The following PPP1R12A variants were observed in gnomAD, a reference collection of about 807,000 sequenced individuals.
PPP1R12A encodes the protein protein phosphatase 1 regulatory subunit 12A.
PPP1R12A carries 19 observed loss-of-function variants against 139.6 expected under a neutral mutation model. The observed-to-expected ratio is 0.14, with a 90% CI of 0.09 to 0.20. The LOEUF is 0.20. Ranked by LOEUF, PPP1R12A falls within the 10% of genes least tolerant of loss-of-function variation. The pLI, the probability that PPP1R12A is intolerant of heterozygous loss-of-function variation, is 1.00. For missense variants in PPP1R12A, 925 were observed against 1,211.5 expected (o/e 0.76, Z 3.51); for synonymous variants, 427 against 420.6 (o/e 1.02, Z -0.19).
At chr12:79,895,127 C>T (rs1302082498) in intron 1 of PPP1R12A, among the ~76,000 whole-genome samples, 1 of 151,808 alleles carries the variant, frequency 6.6e-6, no homozygotes, top group Non-Finnish European at 1.5e-5. Flanking sequence ...ATAAAGTTTC[C>T]AATATGGGGG....
chr12:79,915,823 T>C (rs144572441), intron 1 of PPP1R12A, among the ~76,000 whole-genome samples: 323 of 152,244 alleles, frequency 2.1e-3, no homozygotes, highest in African/African-American at 6.3e-3. Flanking sequence ...CAGGCTGACA[T>C]GTATACAGTA....
chr12:79,926,489 C>T (rs1887851132), intron 1 of PPP1R12A, among the ~76,000 whole-genome samples: 1 of 152,204 alleles, frequency 6.6e-6, no homozygotes, highest in Non-Finnish European at 1.5e-5. Context: ...CCATACCCAG[C>T]CACCTAATAA....
chr12:79,865,497 C>T (rs1020994957), intron 2 of PPP1R12A, among the ~76,000 whole-genome samples: 4 of 151,958 alleles, frequency 2.6e-5, no homozygotes, highest in Non-Finnish European at 2.9e-5. Flanking sequence ...AGCAATAAAA[C>T]GTATTCAAAT....
At chr12:79,804,563 A>G (rs1446764512) in intron 14 of PPP1R12A, among the ~76,000 whole-genome samples, 19 of 152,266 alleles carry the variant, frequency 1.2e-4, no homozygotes, top group Non-Finnish European at 2.5e-4. Context: ...CAGGCACTTC[A>G]GTAGGCAACA....
chr12:79,879,457 T>C (rs138066769), intron 1 of PPP1R12A, among the ~76,000 whole-genome samples: 42 of 152,280 alleles, frequency 2.8e-4, no homozygotes, highest in Non-Finnish European at 4.4e-4. Context: ...ACTAAAGTTA[T>C]GTGGAATGCA....
At chr12:79,926,794 C>A (rs978322788) in intron 1 of PPP1R12A, among the ~76,000 whole-genome samples, 1 of 151,802 alleles carries the variant, frequency 6.6e-6, no homozygotes, top group African/African-American at 2.4e-5. Context: ...GGACTTCTTC[C>A]CCCCCACCCC....
intron 3 of PPP1R12A, among the ~76,000 whole-genome samples, chr12:79,833,650 C>G (rs1428670341): frequency 7.3e-6 from 1 of 137,484 alleles, no homozygotes; most frequent in Non-Finnish European, 1.5e-5. Flanking sequence ...AATGGTGACA[C>G]CCCGTCTCTA....
At chr12:79,865,085 C>T (rs1426646941) in intron 2 of PPP1R12A, among the ~76,000 whole-genome samples, 2 of 152,124 alleles carry the variant, frequency 1.3e-5, no homozygotes, top group Non-Finnish European at 2.9e-5. Context: ...TCCTGGCAAA[C>T]CGAATTCAGC....
At chr12:79,910,978 C>T (rs936360877) in intron 1 of PPP1R12A, among the ~76,000 whole-genome samples, 23 of 152,158 alleles carry the variant, frequency 1.5e-4, no homozygotes, top group African/African-American at 5.1e-4. Context: ...AAATAGAACA[C>T]TTACAGCATC....
chr12:79,861,324 T>C (rs1311595913), intron 2 of PPP1R12A, among the ~76,000 whole-genome samples: 2 of 152,206 alleles, frequency 1.3e-5, no homozygotes, highest in African/African-American at 2.4e-5. Flanking sequence ...CACATCAATA[T>C]GTTCAAACGG....
rs1028615413 is a variant in PPP1R12A, at chr12:79,775,141, G to C, written c.*788C>G. The C allele has an allele frequency of 3.3e-5, 5 of 152,420 alleles. No homozygotes were observed. The highest frequency in any genetic ancestry group is 1.2e-4 in the African/African-American group (5 of 41,420). The allele number at this position is 152,420 out of a possible 1,614,324, so 9.4% of individuals were successfully genotyped here. A position where few individuals can be genotyped will look rare whatever the true frequency, so the allele number is the denominator to read the frequency against. On this transcript the variant is annotated 3_prime_UTR_variant, in exon 25 of 25. Transcript: ENST00000450142. ...CAGTACCTGCTAAAATGAATGTGAA[G>C]ATTACAGAATCTAACATCTTATACT...
chr12:79,927,837 T>A (rs1242201484), intron 1 of PPP1R12A, among the ~76,000 whole-genome samples: 1 of 152,068 alleles, frequency 6.6e-6, no homozygotes, highest in Non-Finnish European at 1.5e-5. Flanking sequence ...ATTGTTGGAG[T>A]TCTTCAACCT....
intron 1 of PPP1R12A, among the ~76,000 whole-genome samples, chr12:79,879,529 T>C (rs771284396): frequency 6.6e-6 from 1 of 151,994 alleles, no homozygotes; most frequent in African/African-American, 2.4e-5. Context: ...CAGAATCCTA[T>C]AAACTGATTA....
chr12:79,820,996 C>T, intron 7 of PPP1R12A, 65 bp from the exon 8 acceptor site: 1 of 1,599,174 alleles, frequency 6.3e-7, no homozygotes, highest in Non-Finnish European at 8.6e-7. Flanking sequence ...TTCATTCTTC[C>T]CAGATCCACA....
rs991679940 is a variant in PPP1R12A at position 79,828,444 on chromosome 12, T to C, written c.668A>G (p.Tyr223Cys). 3.1e-6 allele frequency: 5 copies of C among 1,603,858 alleles called. No individual in the cohort carries two copies. The highest frequency in any genetic ancestry group is 2.7e-5 in the African/African-American group (2 of 74,796). ...ATCATAGTCTTTAATATTAACATCA[T>C]AGCCTGCCTGTATTAAAAGTCTAAA... ...EVLKLLIQAG[Y>C]DVNIKDYDGW... The change falls in exon 5 of 25, where the codon TAT (tyrosine) becomes TGT (cysteine). Residue 223 changes from tyrosine to cysteine, a missense_variant. By Grantham distance (194) the Tyr-to-Cys change is radical. Around this residue, in one of 4 missense-constraint regions of PPP1R12A, gnomAD observed 199 missense variants for 352.4 expected, o/e 0.56. Transcript: ENST00000450142.
At chr12:79,797,503 G>C in intron 15 of PPP1R12A, 108 bp from the exon 16 acceptor site, 1 of 1,085,268 alleles carries the variant, frequency 9.2e-7, no homozygotes, top group East Asian at 2.6e-5. Flanking sequence ...AGTCAAATAT[G>C]CATGTTTAAA....
chr12:79,874,666 T>TA (rs1206848303), intron 1 of PPP1R12A, among the ~76,000 whole-genome samples: 80 of 149,726 alleles, frequency 5.3e-4, no homozygotes, highest in Middle Eastern at 3.4e-3. Context: ...AGTCCTAAAA[T>TA]AAAAAAAAAA....
At chr12:79,828,169 G>A in intron 5 of PPP1R12A, 151 bp downstream of exon 5, 1 of 625,332 alleles carries the variant, frequency 1.6e-6, no homozygotes, top group South Asian at 4.6e-5. Flanking sequence ...TAATTAGTAA[G>A]TCAGTTGGCT....
chr12:79,915,958 T>C (rs1195460845), intron 1 of PPP1R12A, among the ~76,000 whole-genome samples: 1 of 149,372 alleles, frequency 6.7e-6, no homozygotes, highest in Non-Finnish European at 1.5e-5. Context: ...CTATACTGTT[T>C]GCAACATTTC....
Sources: gnomAD v4.1 joint callset for allele counts (sites outside exome capture counted in the v4.1 genomes callset) on GRCh38, gnomAD v4.1.1 for gene constraint, gnomAD v4.1.1 regional missense constraint, MANE v1.5 for transcripts, NCBI Gene and HGNC (gene_info 2026-07-23, HGNC 2026-07-21) for gene names.